The following DNTTIP1 variants were observed in gnomAD, a reference collection of about 807,000 sequenced individuals.
DNTTIP1 encodes the protein deoxynucleotidyltransferase terminal-interacting protein 1.
A neutral mutation model predicts 52.9 loss-of-function variants in DNTTIP1; 22 were observed. The ratio of observed to expected loss-of-function variants is 0.42; its 90% confidence interval spans 0.30 to 0.59. DNTTIP1 has a LOEUF of 0.59. DNTTIP1 is among the 20% of genes least tolerant of loss of function. The probability of loss-of-function intolerance (pLI) is 0.22; values close to 1 mark genes in which losing one functional copy is unlikely to be tolerated. For missense variants in DNTTIP1, 286 were observed against 435.5 expected (o/e 0.66, Z 3.06); for synonymous variants, 136 against 155.1 (o/e 0.88, Z 0.92).
rs992859578 is a variant in DNTTIP1, at chr20:45,808,343, C to T, written c.724-771C>T. ...TGAACAACAGAGCGAGACGTCATCT[C>T]AATAAATAAATAAACAGCCAGGCAC... On this transcript the variant is annotated intron_variant, in intron 10 of 12. Coordinates refer to ENST00000372622, the MANE Select transcript of DNTTIP1 (RefSeq NM_052951.3). 2.0e-5 allele frequency among the ~76,000 whole-genome samples: 3 copies of T among 151,454 alleles called. No homozygotes were observed. The South Asian group carries it at 6.3e-4, about 32-fold the overall frequency.
At chr20:45,795,509 C>A (rs545508589) in intron 4 of DNTTIP1, 66 bp downstream of exon 4, 13 of 1,023,102 alleles carry the variant, frequency 1.3e-5, no homozygotes, top group Middle Eastern at 2.3e-4. Context: ...ATAAGAAATG[C>A]GATCTTAAGC....
chr20:45,805,067 A>AAGG (rs1981588554), intron 8 of DNTTIP1, 79 bp from the exon 9 acceptor site: 15 of 1,251,408 alleles, frequency 1.2e-5, no homozygotes, highest in Admixed American at 1.7e-5. Flanking sequence ...AGGGTTAGAA[A>AAGG]AGGGTAGGGG....
intron 1 of DNTTIP1, 143 bp downstream of exon 1, chr20:45,792,252 A>G: frequency 4.3e-6 from 2 of 467,252 alleles, no homozygotes; most frequent in Middle Eastern, 5.7e-4. Flanking sequence ...CTGGATTTAA[A>G]TTCTGGTGCC....
In DNTTIP1 at chr20:45,805,138, T is replaced by C. The variant is rs760744526; in HGVS notation, c.604-8T>C. The C allele has an allele frequency of 6.8e-6, 11 of 1,613,968 alleles. No individual in the cohort carries two copies. In the South Asian group the frequency reaches 1.1e-4, roughly 16 times the overall value. On this transcript the variant is annotated splice_region_variant and splice_polypyrimidine_tract_variant and intron_variant, in intron 8 of 12. Transcript: ENST00000372622. ...TCACCCTCACGAGCTTCTCTATTTT[T>C]TGCACAGTGGGACCCAGCTCGCCTG...
chr20:45,806,728 T>C (rs763092556), intron 10 of DNTTIP1, among the ~76,000 whole-genome samples: 48 of 152,280 alleles, frequency 3.2e-4, no homozygotes, highest in African/African-American at 7.7e-4. Context: ...TCCAGTCTGA[T>C]ATCCTCGAGT....
chr20:45,792,470 C>CA (rs1401373914), intron 1 of DNTTIP1: 1 of 503,762 alleles, frequency 2.0e-6, no homozygotes, highest in African/African-American at 2.0e-5. Flanking sequence ...TGCCAGAAGG[C>CA]AGGGTCGGGA....
intron 4 of DNTTIP1, among the ~76,000 whole-genome samples, chr20:45,795,985 G>A (rs988415234): frequency 9.9e-5 from 15 of 152,106 alleles, no homozygotes; most frequent in Non-Finnish European, 1.6e-4. Context: ...ACTATGTACA[G>A]AAGATATCTT....
At chr20:45,803,514 C>A in intron 8 of DNTTIP1, 136 bp downstream of exon 8, 1 of 886,246 alleles carries the variant, frequency 1.1e-6, no homozygotes, top group Non-Finnish European at 1.7e-6. Flanking sequence ...CCCTCTCCAC[C>A]TCCAGCCACA....
chr20:45,808,095 C>T (rs1981707837), intron 10 of DNTTIP1, among the ~76,000 whole-genome samples: 1 of 151,924 alleles, frequency 6.6e-6, no homozygotes, highest in African/African-American at 2.4e-5. Context: ...ACCTGTAATC[C>T]CAACACTTTG....
chr20:45,804,698 C>T (rs1336656687), intron 8 of DNTTIP1, among the ~76,000 whole-genome samples: 1 of 152,180 alleles, frequency 6.6e-6, no homozygotes, highest in African/African-American at 2.4e-5. Context: ...CTCCAGCAGG[C>T]CAAGCTGCCT....
chr20:45,792,511 CT>C (rs748207767), intron 1 of DNTTIP1, 165 bp from the exon 2 acceptor site: 41 of 538,890 alleles, frequency 7.6e-5, no homozygotes, highest in Non-Finnish European at 1.1e-4. Context: ...CTCAGTTCCT[CT>C]TTTGTGGAGG....
Position 45,809,628 on chromosome 20 carries a change from C to T in DNTTIP1, c.795+443C>T. Among the ~76,000 whole-genome samples the T allele has an allele frequency of 6.6e-6, 1 of 152,260 alleles. No individual in the cohort carries two copies. Among genetic ancestry groups the T allele is most frequent in the East Asian group, 1.9e-4 (1 of 5,202 alleles). ...GTTAGCAATGAAATGTGTTTGCACA[C>T]TTGGCAGCCCCTTCCAGATTTACCT... is the stretch of plus-strand genomic sequence containing the variant. On this transcript the variant is annotated intron_variant, in intron 11 of 12. Transcript: ENST00000372622. The surrounding 1 kb of genome is among the most constrained non-coding windows in gnomAD (Gnocchi z 4.2).
intron 11 of DNTTIP1, among the ~76,000 whole-genome samples, chr20:45,810,034 A>G (rs1422812111): frequency 1.3e-5 from 2 of 152,148 alleles, no homozygotes; most frequent in Non-Finnish European, 2.9e-5. Context: ...TTAAAAAAAA[A>G]AAGTGTTTTT....
At chr20:45,792,923 C>T (rs112420540) in intron 2 of DNTTIP1, among the ~76,000 whole-genome samples, 176 bp downstream of exon 2, 3 of 152,200 alleles carry the variant, frequency 2.0e-5, no homozygotes, top group African/African-American at 7.2e-5. Context: ...AAGTCACTTC[C>T]TTCTCTGAAC....
rs989978325 is a variant in DNTTIP1, at chr20:45,811,321, G to A, written c.*126G>A. 1.8e-6 allele frequency: 2 copies of A among 1,111,456 alleles called. No individual in the cohort carries two copies. The highest frequency in any genetic ancestry group is 2.5e-6 in the Non-Finnish European group (2 of 789,800). 68.8% of individuals were successfully genotyped at this position (1,111,456 alleles called of 1,614,324 possible). A position where few individuals can be genotyped will look rare whatever the true frequency, so the allele number is the denominator to read the frequency against. ...CATTAAGCTGTGCCTGAGCGAGTTT[G>A]TAGTGACTCACTGCACAGCACCCCC... On this transcript the variant is annotated 3_prime_UTR_variant, in exon 13 of 13. Transcript: ENST00000372622.
chr20:45,803,314 A>G lies in DNTTIP1; in HGVS notation c.558-19A>G, dbSNP rs1981532745. 1.9e-6 allele frequency: 3 copies of G among 1,613,952 alleles called. No individual in the cohort carries two copies. The highest frequency in any genetic ancestry group is 2.5e-6 in the Non-Finnish European group (3 of 1,179,904). On this transcript the variant is annotated intron_variant, in intron 7 of 12. Transcript: ENST00000372622. ...GTCTCACCTTGGAGAATTCACCTTT[A>G]TTCTTTCCTTCCAAGCAGATGGAAA...
chr20:45,808,369 G>A (rs981102880), intron 10 of DNTTIP1, among the ~76,000 whole-genome samples: 6 of 151,442 alleles, frequency 4.0e-5, no homozygotes, highest in African/African-American at 1.5e-4. Flanking sequence ...AGCCAGGCAC[G>A]GTGGCTCACA....
rs1220100129 is a variant in DNTTIP1, at chr20:45,800,691, AAAAATATATATATATATATATATATATAT to A, written c.373-381_373-353del. Among the ~76,000 whole-genome samples the A allele has an allele frequency of 1.9e-3, 110 of 57,100 alleles. 11 individuals carry two copies. Among genetic ancestry groups the A allele is most frequent in the Admixed American group, 2.3e-3 (10 of 4,354 alleles). The allele number at this position is 57,100 out of a possible 152,430, so 37.5% of individuals were successfully genotyped here. A position where few individuals can be genotyped will look rare whatever the true frequency, so the allele number is the denominator to read the frequency against. On this transcript the variant is annotated intron_variant, in intron 4 of 12. Transcript: ENST00000372622. ...CTCCATCTCAATTTAAAAAAAAAAA[AAAAATATATATATATATATATATATATAT>A]ATATATATATATATATATATATATA...
At chr20:45,807,028 C>A (rs545114198) in intron 10 of DNTTIP1, among the ~76,000 whole-genome samples, 1 of 151,418 alleles carries the variant, frequency 6.6e-6, no homozygotes, top group Non-Finnish European at 1.5e-5. Context: ...ATTTGTTTTT[C>A]TTTTTTCTTT....
Sources: gnomAD v4.1 joint callset for allele counts (sites outside exome capture counted in the v4.1 genomes callset) on GRCh38, gnomAD v4.1.1 for gene constraint, Gnocchi (gnomAD v3.1) non-coding constraint, MANE v1.5 for transcripts, NCBI Gene and HGNC (gene_info 2026-07-23, HGNC 2026-07-21) for gene names.